ARHGEF10: variants seen among roughly 807,000 people sequenced by gnomAD.
ARHGEF10 encodes the protein Rho guanine nucleotide exchange factor 10, also known as Rho guanine nucleotide exchange factor (GEF) 10.
A neutral mutation model predicts 147.4 loss-of-function variants in ARHGEF10; 140 were observed. The ratio of observed to expected loss-of-function variants is 0.95; its 90% CI spans 0.83 to 1.09. The LOEUF (loss-of-function observed/expected upper bound fraction) is 1.09, where lower values mean the gene tolerates loss of function less well. Among genes scored for constraint, ARHGEF10 ranks in the 50% least tolerant of loss-of-function variants. The probability of loss-of-function intolerance (pLI) is 0.00; values close to 1 mark genes in which losing one functional copy is unlikely to be tolerated. For missense variants in ARHGEF10, 2,222 were observed against 1,752.7 expected, an observed-to-expected ratio of 1.27 and a Z score of -4.78; for synonymous variants, 902 against 695.8, an observed-to-expected ratio of 1.30 and a Z score of -4.67.
chr8:1,849,949 G>C (rs1241676283), intron 2 of ARHGEF10, among the ~76,000 whole-genome samples: 26 of 130,108 alleles, frequency 2.0e-4, no homozygotes, highest in Middle Eastern at 5.6e-3. Flanking sequence ...TGGACACAGA[G>C]GGCAAATGCT....
At position 1,880,116 on chromosome 8, in the gene ARHGEF10, G is replaced by T; in HGVS notation, c.912G>T (p.Thr304=). The T allele has an allele frequency of 6.2e-7, 1 of 1,614,164 alleles. No homozygotes were observed. Among genetic ancestry groups the T allele is most frequent in the East Asian group, 2.2e-5 (1 of 44,890 alleles). ...EKKMRDLMAS[T]VGVVEIQQLR... The stretch of plus-strand genomic sequence containing the variant: ...AGATGAGAGATTTGATGGCAAGCAC[G>T]GTGGGCGTGGTGGAGATTCAGCAGC... Residue 304 remains threonine (T), a synonymous_variant, in exon 9 of 29, where the codon ACG becomes ACT. Coordinates refer to ENST00000349830, the MANE Select transcript of ARHGEF10 (RefSeq NM_014629.4).
chr8:1,885,429 A>G (rs911591507), intron 10 of ARHGEF10, among the ~76,000 whole-genome samples, 172 bp from the exon 11 acceptor site: 2 of 152,232 alleles, frequency 1.3e-5, no homozygotes, highest in Non-Finnish European at 2.9e-5. Flanking sequence ...TCTGGAAAGA[A>G]TATTTTATTG....
At chr8:1,942,375 G>C (rs1173064718) in intron 26 of ARHGEF10, among the ~76,000 whole-genome samples, 1 of 151,770 alleles carries the variant, frequency 6.6e-6, no homozygotes, top group African/African-American at 2.4e-5. Context: ...ATTGTTGCTT[G>C]TTAGGGAATC....
chr8:1,945,873 A>AAGGAGCCGCATGCTGGG (rs1554516355), intron 27 of ARHGEF10: 8 of 612,294 alleles, frequency 1.3e-5, no homozygotes, highest in Admixed American at 8.8e-5. Flanking sequence ...ACAGGTCCTG[A>AAGGAGCCGCATGCTGGG]AGGAGCCGCG....
At chr8:1,845,144 A>G (rs1309657829) in intron 2 of ARHGEF10, among the ~76,000 whole-genome samples, 2 of 152,200 alleles carry the variant, frequency 1.3e-5, no homozygotes, top group Admixed American at 1.3e-4. Context: ...TGTCTAAAAA[A>G]TAAAGGTGGA....
At chr8:1,838,191 C>T (rs977400584) in intron 1 of ARHGEF10, among the ~76,000 whole-genome samples, 3 of 152,220 alleles carry the variant, frequency 2.0e-5, no homozygotes, top group African/African-American at 2.4e-5. Context: ...TCTAACAGGC[C>T]TGGACTCCAT....
chr8:1,835,815 G>A (rs962512346), intron 1 of ARHGEF10, among the ~76,000 whole-genome samples: 3 of 152,208 alleles, frequency 2.0e-5, no homozygotes, highest in African/African-American at 7.2e-5. Flanking sequence ...TGACGCACAC[G>A]GCATGAAACG....
intron 17 of ARHGEF10, among the ~76,000 whole-genome samples, chr8:1,908,814 G>T (rs776603399): frequency 1.3e-5 from 2 of 152,024 alleles, no homozygotes; most frequent in African/African-American, 2.4e-5. Flanking sequence ...TTCAATTTCC[G>T]TATACTTGAT....
chr8:1,869,925 A>G (rs563501208), intron 7 of ARHGEF10: 2 of 155,916 alleles, frequency 1.3e-5, no homozygotes, highest in East Asian at 1.9e-4. Context: ...GGGCCGCAGG[A>G]GGCAGAGCGG....
chr8:1,913,271 C>T (rs922579548), intron 18 of ARHGEF10, among the ~76,000 whole-genome samples: 3 of 150,974 alleles, frequency 2.0e-5, no homozygotes, highest in African/African-American at 7.4e-5. Flanking sequence ...GAGCTGTTAC[C>T]GCCCATCCTT....
rs1188138630 is a variant in ARHGEF10 at position 1,843,299 on chromosome 8, G to C, written c.-47-54G>C. 2.1e-6 allele frequency: 3 copies of C among 1,406,718 alleles called. No homozygotes were observed. The East Asian group carries it at 7.1e-5, about 33-fold the overall frequency. 87.1% of individuals were successfully genotyped at this position (1,406,718 alleles called of 1,614,324 possible). A position where few individuals can be genotyped will look rare whatever the true frequency, so the allele number is the denominator to read the frequency against. ...CTCTGTCGACAGCCCTACACCTATT[G>C]AGTGCATGTTTATCCACCTGAACGG... On this transcript the variant is annotated intron_variant, in intron 1 of 28. Transcript: ENST00000349830.
chr8:1,890,909 G>C (rs1809476646), intron 11 of ARHGEF10, among the ~76,000 whole-genome samples: 1 of 152,154 alleles, frequency 6.6e-6, no homozygotes, highest in East Asian at 1.9e-4. Flanking sequence ...TATGGTTTCT[G>C]TAAAGGGTTT....
intron 4 of ARHGEF10, among the ~76,000 whole-genome samples, chr8:1,860,418 ATGTGGCC>A (rs1255064005): frequency 8.6e-5 from 10 of 116,318 alleles, no homozygotes; most frequent in Admixed American, 4.6e-4. Flanking sequence ...CATGCCCCCG[ATGTGGCC>A]TGTGGTTCCG....
chr8:1,885,148 A>G (rs1335066899), intron 10 of ARHGEF10, among the ~76,000 whole-genome samples: 1 of 152,218 alleles, frequency 6.6e-6, no homozygotes, highest in Non-Finnish European at 1.5e-5. Context: ...CAGAAGAAAT[A>G]TACTAAGTGC....
intron 1 of ARHGEF10, among the ~76,000 whole-genome samples, chr8:1,825,834 C>G (rs1802739139): frequency 1.3e-5 from 2 of 152,224 alleles, no homozygotes; most frequent in Admixed American, 1.3e-4. Context: ...TGAGTACGGA[C>G]TGGTCAGTAT....
At chr8:1,828,980 G>C (rs1429908164) in intron 1 of ARHGEF10, among the ~76,000 whole-genome samples, 1 of 152,254 alleles carries the variant, frequency 6.6e-6, no homozygotes, top group Non-Finnish European at 1.5e-5. Flanking sequence ...AGTCCAAAGA[G>C]CATTACATAA....
At chr8:1,826,394 G>A (rs895096479) in intron 1 of ARHGEF10, among the ~76,000 whole-genome samples, 4 of 141,006 alleles carry the variant, frequency 2.8e-5, no homozygotes, top group South Asian at 2.4e-4. Flanking sequence ...TTGTGTGTGC[G>A]TGTGTTTGTG....
At chr8:1,940,822 A>G (rs1025132703) in intron 26 of ARHGEF10, among the ~76,000 whole-genome samples, 7 of 152,236 alleles carry the variant, frequency 4.6e-5, no homozygotes, top group African/African-American at 1.4e-4. Context: ...TCAGGACGTG[A>G]AAATCAATCA....
intron 27 of ARHGEF10, chr8:1,946,018 A>G (rs535941614): frequency 2.4e-6 from 1 of 411,614 alleles, no homozygotes. Context: ...TGAAGAACAC[A>G]GAACAGGAGG....
Sources: allele counts gnomAD v4.1 joint callset (sites outside exome capture counted in the v4.1 genomes callset), GRCh38; gene constraint gnomAD v4.1.1; transcripts MANE v1.5; gene names NCBI Gene and HGNC (gene_info 2026-07-23, HGNC 2026-07-21).